Variants in RXRA observed in about 807,000 individuals in gnomAD.
RXRA encodes retinoid X receptor alpha.
A neutral mutation model predicts 44.5 loss-of-function variants in RXRA; 5 were observed. The ratio of observed to expected loss-of-function variants is 0.11; its 90% CI spans 0.06 to 0.24. The LOEUF is 0.24. Among genes scored for constraint, RXRA ranks in the 10% least tolerant of loss-of-function variants. The pLI, the probability that RXRA is intolerant of heterozygous loss-of-function variation, is 1.00. For synonymous variants in RXRA, 291 were observed against 271.4 expected (o/e 1.07, Z -0.71); for missense variants, 412 against 646.5 (o/e 0.64, Z 3.93).
intron 1 of RXRA, among the ~76,000 whole-genome samples, chr9:134,330,430 G>T (rs1260192748): frequency 2.6e-5 from 4 of 152,198 alleles, no homozygotes; most frequent in Admixed American, 2.0e-4. Flanking sequence ...GCCTGTGGCT[G>T]TTGGGGGCTG....
chr9:134,409,864 G>A (rs1053422906), intron 4 of RXRA, among the ~76,000 whole-genome samples: 10 of 152,196 alleles, frequency 6.6e-5, no homozygotes, highest in African/African-American at 1.9e-4. Context: ...GTGCTGTCTG[G>A]GGTGAAGATC....
rs1830103376 is a variant in RXRA at position 134,342,891 on chromosome 9, G to A, written c.28+16232G>A. On this transcript the variant is annotated intron_variant, in intron 1 of 9. Transcript: ENST00000481739. This position sits in a 1 kb window ranked among gnomAD's most constrained non-coding sequence, Gnocchi z 4.4. The stretch of plus-strand genomic sequence containing the variant: ...AGTGACCTTCCCTTTGTATGTGAGT[G>A]ATGTGGGTGGCATGACTGCGGATGC... Among the ~76,000 whole-genome samples, 1 of 152,202 alleles carries A rather than the reference G, an allele frequency of 6.6e-6. No individual in the cohort carries two copies. The highest frequency in any genetic ancestry group is 2.1e-4 in the South Asian group (1 of 4,834).
At chr9:134,397,136 CTG>C (rs1295625560) in intron 1 of RXRA, among the ~76,000 whole-genome samples, 2 of 152,224 alleles carry the variant, frequency 1.3e-5, no homozygotes, top group African/African-American at 4.8e-5. Context: ...CTGGAGGGAA[CTG>C]TGCAGCTCAG....
chr9:134,353,696 G>C (rs1438938978), intron 1 of RXRA, among the ~76,000 whole-genome samples: 1 of 152,222 alleles, frequency 6.6e-6, no homozygotes, highest in South Asian at 2.1e-4. Context: ...TTGGGGTGGG[G>C]GTGCCAGGCC....
At chr9:134,351,754 C>T (rs1184548534) in intron 1 of RXRA, among the ~76,000 whole-genome samples, 1 of 152,252 alleles carries the variant, frequency 6.6e-6, no homozygotes, top group Non-Finnish European at 1.5e-5. Context: ...TCCGCTGCTG[C>T]GAACTTGTTT....
At chr9:134,345,761 T>C (rs1830142651) in intron 1 of RXRA, among the ~76,000 whole-genome samples, 1 of 152,168 alleles carries the variant, frequency 6.6e-6, no homozygotes. Flanking sequence ...CCATTGTCAG[T>C]GCAAAATGCA....
intron 1 of RXRA, among the ~76,000 whole-genome samples, chr9:134,397,358 G>T (rs1830895192): frequency 6.6e-6 from 1 of 152,230 alleles, no homozygotes; most frequent in African/African-American, 2.4e-5. Flanking sequence ...CGACACTCAG[G>T]ATCTGCCATC....
At chr9:134,355,685 C>G (rs1302966756) in intron 1 of RXRA, among the ~76,000 whole-genome samples, 1 of 152,200 alleles carries the variant, frequency 6.6e-6, no homozygotes, top group African/African-American at 2.4e-5. Context: ...CTGTGTGCAC[C>G]CCCGCTGGGT....
intron 1 of RXRA, among the ~76,000 whole-genome samples, chr9:134,340,540 C>T (rs1830073781): frequency 6.6e-6 from 1 of 152,156 alleles, no homozygotes; most frequent in African/African-American, 2.4e-5. Context: ...TCACTGCCTG[C>T]CCTCTGGCCT....
intron 1 of RXRA, among the ~76,000 whole-genome samples, chr9:134,373,179 T>G (rs908944521): frequency 1.3e-5 from 2 of 152,124 alleles, no homozygotes; most frequent in Admixed American, 1.3e-4. Flanking sequence ...CCATGCTTTC[T>G]GGTAAGGCGG....
Position 134,433,987 on chromosome 9 carries a change from C to A in RXRA, c.1136-115C>A. 1 of 705,472 alleles carries A rather than the reference C, an allele frequency of 1.4e-6. No homozygotes were observed. The highest frequency in any genetic ancestry group is 2.4e-6 in the Non-Finnish European group (1 of 416,656). 43.7% of individuals were successfully genotyped at this position (705,472 alleles called of 1,614,324 possible). On this transcript the variant is annotated intron_variant, in intron 8 of 9. Transcript: ENST00000481739. The surrounding 1 kb of genome is among the most constrained non-coding windows in gnomAD (Gnocchi z 4.2). ...ATGTCCAGCGGCATTCCTCCACCAC[C>A]TGCTCTGCCCATGGTGGGGCAGCCT...
At position 134,421,765 on chromosome 9, in the gene RXRA, A is replaced by G. The variant is rs948016439; in HGVS notation, c.870A>G (p.Ser290=). 1.9e-6 allele frequency: 3 copies of G among 1,611,296 alleles called. No individual in the cohort carries two copies. The African/African-American group carries it at 4.0e-5, about 21-fold the overall frequency. ...VEWAKRIPHF[S]ELPLDDQVIL... ...GGGCCAAGCGGATCCCACACTTCTC[A>G]GAGCTGCCCCTGGACGACCAGGTCA... The change falls in exon 6 of 10, where the codon TCA becomes TCG. Residue 290 remains serine, a synonymous_variant. Coordinates refer to ENST00000481739, the MANE Select transcript of RXRA (RefSeq NM_002957.6).
In RXRA at chr9:134,438,329, G is replaced by A. The variant is rs1175580708; in HGVS notation, c.*1715G>A. The A allele has an allele frequency of 1.3e-5, 2 of 152,340 alleles. No homozygotes were observed. Among genetic ancestry groups the A allele is most frequent in the Admixed American group, 1.3e-4 (2 of 15,288 alleles). 9.4% of individuals were successfully genotyped at this position (152,340 alleles called of 1,614,324 possible). A position where few individuals can be genotyped will look rare whatever the true frequency, so the allele number is the denominator to read the frequency against. ...TTGGAGAGGCAGCTTTCCAGCCTTG[G>A]TGGGGAAGAAAGTGTCCATTCTTTG... is the stretch of plus-strand genomic sequence containing the variant. On this transcript the variant is annotated 3_prime_UTR_variant, in exon 10 of 10. Transcript: ENST00000481739.
intron 2 of RXRA, chr9:134,405,907 C>T (rs186848432): frequency 1.3e-5 from 2 of 152,564 alleles, no homozygotes; most frequent in East Asian, 3.9e-4. Context: ...CCCTTTGCTT[C>T]CCCACCTCTG....
At chr9:134,333,067 C>G (rs1588246167) in intron 1 of RXRA, among the ~76,000 whole-genome samples, 1 of 152,088 alleles carries the variant, frequency 6.6e-6, no homozygotes, top group Non-Finnish European at 1.5e-5. Context: ...GGCAGGCCGT[C>G]CAGGGGGAGT....
intron 1 of RXRA, among the ~76,000 whole-genome samples, chr9:134,334,070 A>G (rs1388535139): frequency 1.1e-4 from 17 of 152,300 alleles, no homozygotes; most frequent in South Asian, 2.1e-4. Flanking sequence ...GTGCCTGACT[A>G]TTGCCCAGTT....
At chr9:134,402,224 C>T (rs943263226) in intron 2 of RXRA, 7 of 324,248 alleles carry the variant, frequency 2.2e-5, no homozygotes, top group Admixed American at 1.9e-4. Context: ...AGGCCTAAGC[C>T]TGCTTCCCCA....
intron 1 of RXRA, among the ~76,000 whole-genome samples, chr9:134,379,126 GCC>G (rs1463332303): frequency 2.6e-5 from 4 of 152,178 alleles, no homozygotes; most frequent in Non-Finnish European, 4.4e-5. Flanking sequence ...GGCTCCTCCA[GCC>G]TTATAGCTCC....
At chr9:134,422,553 G>C in intron 6 of RXRA, 9 of 1,145,588 alleles carry the variant, frequency 7.9e-6, no homozygotes, top group Non-Finnish European at 9.8e-6. Flanking sequence ...CCCCTCCTGG[G>C]ACAGTCCCCA....
Sources: gnomAD v4.1 joint callset for allele counts (sites outside exome capture counted in the v4.1 genomes callset) on GRCh38, gnomAD v4.1.1 for gene constraint, Gnocchi (gnomAD v3.1) non-coding constraint, MANE v1.5 for transcripts, NCBI Gene and HGNC (gene_info 2026-07-23, HGNC 2026-07-21) for gene names.